Variants in CSMD3 observed in about 807,000 individuals in gnomAD.
CSMD3 encodes the protein CUB and sushi domain-containing protein 3.
In CSMD3, 177 loss-of-function variants were observed where a neutral mutation model predicts 435.2. The observed-to-expected ratio is 0.41, with a 90% CI of 0.36 to 0.46. CSMD3 has a LOEUF of 0.46. CSMD3 is among the 20% of genes least tolerant of loss of function. The probability of loss-of-function intolerance (pLI) is 0.34; values close to 1 mark genes in which losing one functional copy is unlikely to be tolerated. For missense variants in CSMD3, 4,265 were observed against 4,504.6 expected (o/e 0.95, Z 1.52); for synonymous variants, 1,656 against 1,520.5 (o/e 1.09, Z -2.07).
At chr8:113,093,844 GAAT>G (rs1318586789) in intron 5 of CSMD3, among the ~76,000 whole-genome samples, 2 of 151,974 alleles carry the variant, frequency 1.3e-5, no homozygotes, top group African/African-American at 4.8e-5. Flanking sequence ...TTCTTAATTT[GAAT>G]AACATTACAT....
chr8:113,281,725 T>C (rs1354067206), intron 2 of CSMD3, among the ~76,000 whole-genome samples: 1 of 151,870 alleles, frequency 6.6e-6, no homozygotes, highest in South Asian at 2.1e-4. Context: ...GTACTTTGTT[T>C]TTTATTTGTT....
chr8:113,074,298 C>A (rs960635469), intron 5 of CSMD3, among the ~76,000 whole-genome samples: 4 of 151,782 alleles, frequency 2.6e-5, no homozygotes, highest in Non-Finnish European at 5.9e-5. Flanking sequence ...ATTCCATCTT[C>A]TTAAGCAAGT....
chr8:112,854,745 G>A (rs12544904), intron 11 of CSMD3, among the ~76,000 whole-genome samples: 76,427 of 151,864 alleles, frequency 0.5, 19,778 homozygotes, highest in East Asian at 0.79. Flanking sequence ...TAAAACCCGA[G>A]TTTTCAGAGT....
intron 22 of CSMD3, among the ~76,000 whole-genome samples, chr8:112,630,146 G>T (rs1483736747): frequency 6.6e-6 from 1 of 152,064 alleles, no homozygotes; most frequent in Non-Finnish European, 1.5e-5. Context: ...TGAGAAGAGG[G>T]TCTAAACCAT....
intron 59 of CSMD3, among the ~76,000 whole-genome samples, chr8:112,270,494 T>A (rs1489917483): frequency 6.6e-6 from 1 of 151,450 alleles, no homozygotes; most frequent in Non-Finnish European, 1.5e-5. Context: ...TTCTCAAAGG[T>A]CAAAAATGCT....
At chr8:113,356,929 T>C (rs2132953494) in intron 1 of CSMD3, among the ~76,000 whole-genome samples, 2 of 152,162 alleles carry the variant, frequency 1.3e-5, no homozygotes, top group Middle Eastern at 6.8e-3. Context: ...CTGAAAAAAA[T>C]GTTATATTGT....
intron 3 of CSMD3, among the ~76,000 whole-genome samples, chr8:113,267,893 T>C (rs913562738): frequency 4.0e-5 from 6 of 151,790 alleles, no homozygotes; most frequent in Non-Finnish European, 8.9e-5. Flanking sequence ...ATAATTATAT[T>C]GTCTAACTGA....
chr8:112,612,165 G>A (rs1833305645), intron 22 of CSMD3, among the ~76,000 whole-genome samples: 2 of 152,068 alleles, frequency 1.3e-5, no homozygotes, highest in Admixed American at 6.6e-5. Flanking sequence ...ATTCTATAAT[G>A]CCTTTGATTT....
At chr8:112,461,502 A>C (rs2130680799) in intron 32 of CSMD3, among the ~76,000 whole-genome samples, 1 of 152,272 alleles carries the variant, frequency 6.6e-6, no homozygotes, top group Non-Finnish European at 1.5e-5. Flanking sequence ...TTTATAGTGA[A>C]ACTTTGCAAG....
chr8:112,924,501 C>T (rs995564056), intron 9 of CSMD3, among the ~76,000 whole-genome samples: 9 of 152,020 alleles, frequency 5.9e-5, no homozygotes, highest in African/African-American at 2.2e-4. Context: ...CCAGGCTCTT[C>T]TTGCTAAAAG....
intron 44 of CSMD3, among the ~76,000 whole-genome samples, chr8:112,336,027 C>T (rs558297720): frequency 1.3e-5 from 2 of 152,214 alleles, no homozygotes; most frequent in South Asian, 2.1e-4. Flanking sequence ...ATCCTCTCAT[C>T]TCAGCCTCCT....
intron 17 of CSMD3, among the ~76,000 whole-genome samples, chr8:112,657,207 C>T (rs546364649): frequency 5.1e-4 from 77 of 151,982 alleles, no homozygotes; most frequent in African/African-American, 1.8e-3. Flanking sequence ...GAATTACAGG[C>T]GTGTGCCACC....
At chr8:112,594,934 T>A (rs997080364) in intron 22 of CSMD3, among the ~76,000 whole-genome samples, 2 of 151,614 alleles carry the variant, frequency 1.3e-5, no homozygotes, top group African/African-American at 4.8e-5. Flanking sequence ...ACAGAAAAAC[T>A]GGAAACTCTA....
At chr8:113,371,475 T>C (rs2094345772) in intron 1 of CSMD3, among the ~76,000 whole-genome samples, 1 of 152,158 alleles carries the variant, frequency 6.6e-6, no homozygotes, top group Non-Finnish European at 1.5e-5. Context: ...GGTACAATTA[T>C]TATACATTTT....
At chr8:113,301,900 T>C (rs913400779) in intron 2 of CSMD3, among the ~76,000 whole-genome samples, 4 of 151,978 alleles carry the variant, frequency 2.6e-5, no homozygotes, top group Admixed American at 6.6e-5. Flanking sequence ...AAATAGGTCA[T>C]ATACATGAGA....
At chr8:113,125,065 G>C (rs941713163) in intron 4 of CSMD3, among the ~76,000 whole-genome samples, 1 of 151,970 alleles carries the variant, frequency 6.6e-6, no homozygotes, top group African/African-American at 2.4e-5. Flanking sequence ...TTCCATGTCT[G>C]TGTCTTAAGT....
At chr8:112,552,507 A>C in intron 26 of CSMD3, 87 bp downstream of exon 26, 1 of 1,341,550 alleles carries the variant, frequency 7.5e-7, no homozygotes, top group Non-Finnish European at 1.0e-6. Context: ...CAAACAAAAA[A>C]TGAAATAAAT....
intron 18 of CSMD3, among the ~76,000 whole-genome samples, chr8:112,652,219 G>A (rs954155172): frequency 2.0e-5 from 3 of 152,060 alleles, no homozygotes; most frequent in Admixed American, 1.3e-4. Flanking sequence ...AATCAGATAA[G>A]TCTCCTCATT....
At chr8:112,545,509 AT>A (rs1827109845) in intron 27 of CSMD3, among the ~76,000 whole-genome samples, 12 of 141,126 alleles carry the variant, frequency 8.5e-5, no homozygotes, top group Admixed American at 1.4e-4. Context: ...AAAAATAATA[AT>A]AATAATAATA....
Sources: gnomAD v4.1 joint callset for allele counts (sites outside exome capture counted in the v4.1 genomes callset) on GRCh38, gnomAD v4.1.1 for gene constraint, MANE v1.5 for transcripts, NCBI Gene and HGNC (gene_info 2026-07-23, HGNC 2026-07-21) for gene names.